The following FMNL1 variants were observed in gnomAD, a reference collection of about 807,000 sequenced individuals.
FMNL1 encodes formin like 1, also known as formin-like protein 1.
In FMNL1, 43 loss-of-function variants were observed where a neutral mutation model predicts 121.3. The ratio of observed to expected loss-of-function variants is 0.35; its 90% CI spans 0.28 to 0.46. The LOEUF (loss-of-function observed/expected upper bound fraction) is 0.46, where lower values mean the gene tolerates loss of function less well. Ranked by LOEUF, FMNL1 falls within the 20% of genes least tolerant of loss-of-function variation. FMNL1 has a pLI of 1.00. For synonymous variants in FMNL1, 613 were observed against 613.5 expected, an observed-to-expected ratio of 1.00 and a Z score of 0.01; for missense variants, 1,191 against 1,482.4, an observed-to-expected ratio of 0.80 and a Z score of 3.23.
chr17:45,233,633 G>A lies in FMNL1; in HGVS notation c.402-15G>A, dbSNP rs1261150484. The A allele has an allele frequency of 6.2e-7, 1 of 1,613,770 alleles. No individual in the cohort carries two copies. On this transcript the variant is annotated splice_polypyrimidine_tract_variant and intron_variant, in intron 4 of 26. Coordinates refer to ENST00000331495, the MANE Select transcript of FMNL1 (RefSeq NM_005892.4). The surrounding 1 kb of genome is among the most constrained non-coding windows in gnomAD (Gnocchi z 4.1). ...CTCCTTTCTGGCTGGAGCTCAGGGA[G>A]CCCTGTGCCCACAGGTGGGTGCAGG...
intron 9 of FMNL1, 115 bp from the exon 10 acceptor site, chr17:45,238,449 T>C (rs2043599438): frequency 9.8e-7 from 1 of 1,023,794 alleles, no homozygotes; most frequent in Non-Finnish European, 1.5e-6. Flanking sequence ...AAGAGTGACG[T>C]GGCTCAACTT....
chr17:45,237,754 GGGAACGCCCAAAA>G lies in FMNL1; in HGVS notation c.894+117_894+129del. ...GCTGGGGACATTGGGTGGGCATTTG[GGGAACGCCCAAAA>G]GTTGAAGTTGAGCCACATCACTGGC... On this transcript the variant is annotated intron_variant, in intron 9 of 26. Coordinates refer to ENST00000331495, the MANE Select transcript of FMNL1 (RefSeq NM_005892.4). This position sits in a 1 kb window ranked among gnomAD's most constrained non-coding sequence, Gnocchi z 4.4. 1.8e-6 allele frequency: 2 copies of G among 1,137,608 alleles called. No homozygotes were observed. The highest frequency in any genetic ancestry group is 2.6e-6 in the Non-Finnish European group (2 of 776,072). 70.5% of individuals were successfully genotyped at this position (1,137,608 alleles called of 1,614,324 possible). A position where few individuals can be genotyped will look rare whatever the true frequency, so the allele number is the denominator to read the frequency against.
In FMNL1 at chr17:45,244,904, G is replaced by A. The variant is rs778376742; in HGVS notation, c.2598+5G>A. The A allele has an allele frequency of 3.1e-6, 5 of 1,613,578 alleles. No individual in the cohort carries two copies. The highest frequency in any genetic ancestry group is 3.3e-5 in the Admixed American group (2 of 59,982). On this transcript the variant is annotated splice_donor_5th_base_variant and intron_variant, in intron 20 of 26. Coordinates refer to ENST00000331495, the MANE Select transcript of FMNL1 (RefSeq NM_005892.4). ...CGGCTCCAGAGCCTGGATGCGGTGA[G>A]GAGGGGCCCCTGGCTTGGGGACTGG... is the stretch of plus-strand genomic sequence containing the variant.
rs2043235572 is a variant in FMNL1 at position 45,222,025 on chromosome 17, T to A, written c.-100T>A. On this transcript the variant is annotated 5_prime_UTR_variant, in exon 1 of 27. Transcript: ENST00000331495. The stretch of plus-strand genomic sequence containing the variant: ...GACCCCCGCCGCCACCGCCAGCCGC[T>A]GCCCCCTCGCCCCCGCCCGGGCCGG... 1.0e-6 allele frequency: 1 copy of A among 960,896 alleles called. No homozygotes were observed. The highest frequency in any genetic ancestry group is 1.8e-5 in the African/African-American group (1 of 56,984). The allele number at this position is 960,896 out of a possible 1,614,324, so 59.5% of individuals were successfully genotyped here.
chr17:45,239,176 T>A, intron 11 of FMNL1, 111 bp downstream of exon 11: 1 of 853,634 alleles, frequency 1.2e-6, no homozygotes, highest in Non-Finnish European at 2.0e-6. Flanking sequence ...AAATCCTGGC[T>A]CTGCCGTTGC....
intron 1 of FMNL1, 104 bp downstream of exon 1, chr17:45,222,357 A>C: frequency 1.0e-6 from 1 of 982,526 alleles, no homozygotes; most frequent in Non-Finnish European, 1.3e-6. Context: ...TGCCGCTTGG[A>C]GATCCCCGGT....
At chr17:45,222,864 G>C (rs7215363) in intron 1 of FMNL1, among the ~76,000 whole-genome samples, 19,177 of 152,128 alleles carry the variant, frequency 0.13, 1,399 homozygotes, top group African/African-American at 0.19. Flanking sequence ...GGGAGGGTGG[G>C]GTCAGGACGG....
In FMNL1 at chr17:45,241,259, C is replaced by T; in HGVS notation, c.1332+29C>T. ...AGGCTGGGGCGGGTGGTAGGCCAGG[C>T]GCCCAAGAACAGGCCAGCTGAGGCT... On this transcript the variant is annotated intron_variant, in intron 13 of 26. Transcript: ENST00000331495. This position sits in a 1 kb window ranked among gnomAD's most constrained non-coding sequence, Gnocchi z 7.0. The T allele has an allele frequency of 5.6e-6, 9 of 1,613,642 alleles. No homozygotes were observed. Among genetic ancestry groups the T allele is most frequent in the Non-Finnish European group, 7.6e-6 (9 of 1,179,826 alleles).
At chr17:45,236,408 C>T (rs566668495) in intron 7 of FMNL1, 164 bp downstream of exon 7, 16 of 575,922 alleles carry the variant, frequency 2.8e-5, no homozygotes, top group Non-Finnish European at 4.9e-5. Context: ...GCTGATGAGT[C>T]TTGAGGGGAA....
chr17:45,233,237 T>C lies in FMNL1; in HGVS notation c.341T>C (p.Val114Ala). ...WMSNLGFKRRVQESTQVLREL... is the reference protein window; with the variant it reads ...WMSNLGFKRRAQESTQVLREL... ...CTCGGTCCCCAGTTTAAGAGGCGAG[T>C]TCAGGAGTCCACGCAGGTGCTACGG... is the stretch of plus-strand genomic sequence containing the variant. The change falls in exon 4 of 27, where the codon GTT (valine) becomes GCT (alanine). Residue 114 changes from valine to alanine, a missense_variant. Physicochemically the swap from Val to Ala is moderately conservative, Grantham distance 64 (BLOSUM62 0). Transcript: ENST00000331495. This position sits in a 1 kb window ranked among gnomAD's most constrained non-coding sequence, Gnocchi z 4.1. 1 of 1,558,562 alleles carries C rather than the reference T, an allele frequency of 6.4e-7. No homozygotes were observed. The highest frequency in any genetic ancestry group is 8.7e-7 in the Non-Finnish European group (1 of 1,151,176).
Position 45,230,595 on chromosome 17 carries a change from T to C in FMNL1, c.130-9T>C. On this transcript the variant is annotated splice_polypyrimidine_tract_variant and intron_variant, in intron 1 of 26. Transcript: ENST00000331495. ...CAGGCTCAGGGGTCTTTGTCCTCCC[T>C]GTCCCCAGAACTGCATGAACTTGCC... is the stretch of plus-strand genomic sequence containing the variant. The C allele has an allele frequency of 6.2e-7, 1 of 1,613,400 alleles. No homozygotes were observed. Among genetic ancestry groups the C allele is most frequent in the Non-Finnish European group, 8.5e-7 (1 of 1,179,632 alleles).
chr17:45,233,693 G>A lies in FMNL1; in HGVS notation c.447G>A (p.Val149=). Reference sequence around the variant, plus strand: ...ATGAAGAGAACCGTGGCCTGGATGTGCTGCTCGAGTACCTGGCCTTTGCCC... The same window carrying A: ...ATGAAGAGAACCGTGGCCTGGATGTACTGCTCGAGTACCTGGCCTTTGCCC... ...FLNEENRGLD[V]LLEYLAFAQC... Residue 149 remains valine (V), a synonymous_variant, in exon 5 of 27, where the codon GTG becomes GTA. Coordinates refer to ENST00000331495, the MANE Select transcript of FMNL1 (RefSeq NM_005892.4). This position sits in a 1 kb window ranked among gnomAD's most constrained non-coding sequence, Gnocchi z 4.1. 2.5e-6 allele frequency: 4 copies of A among 1,614,066 alleles called. No individual in the cohort carries two copies. The highest frequency in any genetic ancestry group is 3.4e-6 in the Non-Finnish European group (4 of 1,179,980).
intron 1 of FMNL1, 21 bp from the exon 2 acceptor site, chr17:45,230,583 C>T: frequency 6.2e-7 from 1 of 1,613,152 alleles, no homozygotes; most frequent in Non-Finnish European, 8.5e-7. Context: ...GCTCAGGGGT[C>T]TTTGTCCTCC....
Position 45,240,640 on chromosome 17 carries a change from T to G in FMNL1, c.1230+15T>G. The G allele has an allele frequency of 6.2e-7, 1 of 1,610,054 alleles. No homozygotes were observed. Among genetic ancestry groups the G allele is most frequent in the Non-Finnish European group, 8.5e-7 (1 of 1,178,326 alleles). Reference sequence around the variant, plus strand: ...AAGTGGCGCTGGTGAGAGTGGGTCCTGACCCCAGCCCAGCACATCATAGGC... The same window carrying G: ...AAGTGGCGCTGGTGAGAGTGGGTCCGGACCCCAGCCCAGCACATCATAGGC... On this transcript the variant is annotated intron_variant, in intron 12 of 26. Transcript: ENST00000331495.
rs1162177181 is a variant in FMNL1 at position 45,231,221 on chromosome 17, C to A, written c.213+534C>A. Among the ~76,000 whole-genome samples the A allele has an allele frequency of 6.6e-6, 1 of 152,234 alleles. No individual in the cohort carries two copies. Among genetic ancestry groups the A allele is most frequent in the East Asian group, 1.9e-4 (1 of 5,192 alleles). On this transcript the variant is annotated intron_variant, in intron 2 of 26. Transcript: ENST00000331495. The surrounding 1 kb of genome is among the most constrained non-coding windows in gnomAD (Gnocchi z 4.7). ...CTCACGGGTCACTCAGCTGTCCCCACCCCTCCAGCTTCAAGGGCTGCGGTC... is the reference window on the plus strand; with the variant it reads ...CTCACGGGTCACTCAGCTGTCCCCAACCCTCCAGCTTCAAGGGCTGCGGTC...
chr17:45,238,582 C>T lies in FMNL1; in HGVS notation c.913C>T (p.Arg305Cys), dbSNP rs373612875. ...NFKEVCGEQHRFEKLMEYFRN... is the reference protein window; with the variant it reads ...NFKEVCGEQHCFEKLMEYFRN... ...TACCCAGGTGTGTGGGGAGCAGCAC[C>T]GCTTTGAAAAGCTGATGGAATATTT... Residue 305 changes from arginine (R) to cysteine (C), a missense_variant, in exon 10 of 27, where the codon CGC (arginine) becomes TGC (cysteine). Arg to Cys is a radical substitution (Grantham distance 180, BLOSUM62 -3). Transcript: ENST00000331495. 9.9e-6 allele frequency: 16 copies of T among 1,614,030 alleles called. No individual in the cohort carries two copies. The highest frequency in any genetic ancestry group is 6.7e-5 in the African/African-American group (5 of 74,920).
In FMNL1 at chr17:45,247,041, C is replaced by T. The variant is rs1256044323; in HGVS notation, c.*183C>T. 3.1e-6 allele frequency: 2 copies of T among 646,536 alleles called. No individual in the cohort carries two copies. The highest frequency in any genetic ancestry group is 1.8e-5 in the African/African-American group (1 of 55,984). 40.0% of individuals were successfully genotyped at this position (646,536 alleles called of 1,614,324 possible). The stretch of plus-strand genomic sequence containing the variant: ...CAGGCTGAGGCTCAAGGAAGGTGGT[C>T]CTCAGCTCGGCTGGCCGGGCAGCCC... On this transcript the variant is annotated 3_prime_UTR_variant, in exon 27 of 27. Transcript: ENST00000331495.
At chr17:45,224,102 A>T (rs955087775) in intron 1 of FMNL1, among the ~76,000 whole-genome samples, 1 of 152,152 alleles carries the variant, frequency 6.6e-6, no homozygotes, top group Non-Finnish European at 1.5e-5. Flanking sequence ...AGCACCCACC[A>T]GGGCTTACCC....
At position 45,233,696 on chromosome 17, in the gene FMNL1, G is replaced by C; in HGVS notation, c.450G>C (p.Leu150=). 6.2e-7 allele frequency: 1 copy of C among 1,614,076 alleles called. No individual in the cohort carries two copies. Among genetic ancestry groups the C allele is most frequent in the South Asian group, 1.1e-5 (1 of 91,088 alleles). The change falls in exon 5 of 27, where the codon CTG becomes CTC. Residue 150 remains leucine (L), a synonymous_variant. Transcript: ENST00000331495. This position sits in a 1 kb window ranked among gnomAD's most constrained non-coding sequence, Gnocchi z 4.1. ...AAGAGAACCGTGGCCTGGATGTGCT[G>C]CTCGAGTACCTGGCCTTTGCCCAGT... ...LNEENRGLDV[L]LEYLAFAQCS...
Sources: allele counts gnomAD v4.1 joint callset (sites outside exome capture counted in the v4.1 genomes callset), GRCh38; gene constraint gnomAD v4.1.1; non-coding constraint Gnocchi (gnomAD v3.1); transcripts MANE v1.5; gene names NCBI Gene and HGNC (gene_info 2026-07-23, HGNC 2026-07-21).